Variants in PRDM6 observed in about 807,000 individuals in gnomAD.
The protein encoded by PRDM6 is PR/SET domain 6, also known as putative histone-lysine N-methyltransferase PRDM6.
In PRDM6, 25 loss-of-function variants were observed where a neutral mutation model predicts 60.8. The ratio of observed to expected loss-of-function variants is 0.41; its 90% CI spans 0.30 to 0.57. PRDM6 has a LOEUF of 0.57. Ranked by LOEUF, PRDM6 falls within the 20% of genes least tolerant of loss-of-function variation. The pLI is 0.27. For missense variants in PRDM6, 839 were observed against 821.3 expected, an observed-to-expected ratio of 1.02 and a Z score of -0.26; for synonymous variants, 407 against 357.4, an observed-to-expected ratio of 1.14 and a Z score of -1.57.
intron 7 of PRDM6, among the ~76,000 whole-genome samples, chr5:123,183,411 A>G (rs542017061): frequency 2.5e-3 from 385 of 152,348 alleles, no homozygotes; most frequent in Non-Finnish European, 4.6e-3. Flanking sequence ...TATCAAGATT[A>G]CTGCCATCCA....
intron 3 of PRDM6, among the ~76,000 whole-genome samples, chr5:123,137,602 A>G (rs1580509130): frequency 6.6e-6 from 1 of 152,160 alleles, no homozygotes; most frequent in Non-Finnish European, 1.5e-5. Context: ...GAACACATGG[A>G]CACAGGGAGG....
At chr5:123,179,672 T>C (rs988439613) in intron 6 of PRDM6, among the ~76,000 whole-genome samples, 1 of 151,418 alleles carries the variant, frequency 6.6e-6, no homozygotes, top group Non-Finnish European at 1.5e-5. Context: ...TTTTCTGAAC[T>C]AACAGAGATA....
chr5:123,174,585 C>T (rs1213563325), intron 6 of PRDM6, among the ~76,000 whole-genome samples: 2 of 152,130 alleles, frequency 1.3e-5, no homozygotes, highest in South Asian at 2.1e-4. Flanking sequence ...GGCCATGAAA[C>T]CCCAGATATT....
At chr5:123,165,181 C>T (rs1476984400) in intron 5 of PRDM6, among the ~76,000 whole-genome samples, 1 of 152,212 alleles carries the variant, frequency 6.6e-6, no homozygotes, top group Non-Finnish European at 1.5e-5. Context: ...CCAGACTCCT[C>T]TCCAGCTGTC....
chr5:123,157,679 G>C (rs1765533240), intron 4 of PRDM6, among the ~76,000 whole-genome samples: 1 of 152,182 alleles, frequency 6.6e-6, no homozygotes, highest in African/African-American at 2.4e-5. Flanking sequence ...AAATAGAAAA[G>C]TTGGACCCTG....
chr5:123,101,839 C>T (rs889028064), intron 3 of PRDM6, among the ~76,000 whole-genome samples: 5 of 152,190 alleles, frequency 3.3e-5, no homozygotes, highest in African/African-American at 1.2e-4. Context: ...CCTTTCTTTT[C>T]TACCTTTACT....
intron 3 of PRDM6, among the ~76,000 whole-genome samples, chr5:123,109,632 A>T (rs1363610663): frequency 6.6e-6 from 1 of 152,228 alleles, no homozygotes; most frequent in African/African-American, 2.4e-5. Flanking sequence ...ACCATGCAAC[A>T]TGGATGTTAA....
intron 3 of PRDM6, among the ~76,000 whole-genome samples, chr5:123,130,074 C>A (rs535093439): frequency 3.8e-5 from 5 of 129,904 alleles, no homozygotes; most frequent in African/African-American, 1.5e-4. Context: ...TCCTTCCCTT[C>A]CTTTCCTTTC....
intron 3 of PRDM6, among the ~76,000 whole-genome samples, chr5:123,154,203 C>G (rs1765441236): frequency 6.6e-6 from 1 of 152,156 alleles, no homozygotes; most frequent in Admixed American, 6.5e-5. Context: ...ACAGTGTAAT[C>G]AATCCTAAAT....
In PRDM6 at chr5:123,149,260, G is replaced by A. The variant is rs188348123; in HGVS notation, c.901-6624G>A. ...TTTCCTCTCTAGACTGGGGAGCAGTGCTGGATCTCTGTGGATCTGAGGCTC... is the reference window on the plus strand; with the variant it reads ...TTTCCTCTCTAGACTGGGGAGCAGTACTGGATCTCTGTGGATCTGAGGCTC... On this transcript the variant is annotated intron_variant, in intron 3 of 7. Coordinates refer to ENST00000407847, the MANE Select transcript of PRDM6 (RefSeq NM_001136239.4). Among the ~76,000 whole-genome samples, 178 of 152,178 alleles carry A rather than the reference G, an allele frequency of 1.2e-3. 4 individuals carry two copies. Among genetic ancestry groups the A allele is most frequent in the Non-Finnish European group, 9.8e-4 (67 of 68,024 alleles).
Position 123,190,470 on chromosome 5 carries a change from T to G in PRDM6, c.*3269T>G, listed in dbSNP as rs946632021. 3 of 152,236 alleles carry G rather than the reference T, an allele frequency of 2.0e-5. No homozygotes were observed. The highest frequency in any genetic ancestry group is 7.2e-5 in the African/African-American group (3 of 41,468). The allele number at this position is 152,236 out of a possible 1,614,324, so 9.4% of individuals were successfully genotyped here. Reference sequence around the variant, plus strand: ...GAGGAGATATACTTCTAAAAAGTTATTGTATGGCTAATTAAAGCTATGAAA... The same window carrying G: ...GAGGAGATATACTTCTAAAAAGTTAGTGTATGGCTAATTAAAGCTATGAAA... On this transcript the variant is annotated 3_prime_UTR_variant, in exon 8 of 8. Transcript: ENST00000407847.
chr5:123,171,557 A>G (rs335202), intron 6 of PRDM6, among the ~76,000 whole-genome samples: 19,811 of 152,210 alleles, frequency 0.13, 1,750 homozygotes, highest in African/African-American at 0.24. Flanking sequence ...TTTGCTTAGT[A>G]CTATTTTTCT....
At chr5:123,155,331 A>G (rs1191977543) in intron 3 of PRDM6, among the ~76,000 whole-genome samples, 2 of 137,144 alleles carry the variant, frequency 1.5e-5, no homozygotes, top group African/African-American at 2.8e-5. Context: ...CTGAAGCCCT[A>G]CATCTTCTTT....
intron 3 of PRDM6, among the ~76,000 whole-genome samples, chr5:123,103,069 G>A (rs1764137183): frequency 6.6e-6 from 1 of 151,970 alleles, no homozygotes; most frequent in Admixed American, 6.5e-5. Context: ...CATTGTTTTA[G>A]TTAATATTTT....
rs1404080828 is a variant in PRDM6, at chr5:123,188,439, C to T, written c.*1238C>T. On this transcript the variant is annotated 3_prime_UTR_variant, in exon 8 of 8. Coordinates refer to ENST00000407847, the MANE Select transcript of PRDM6 (RefSeq NM_001136239.4). ...AGTGCTGAGAATGTGAGTTTAATTT[C>T]AGCTAGCCTGTTGGTGGTTCAACAG... is the stretch of plus-strand genomic sequence containing the variant. The T allele has an allele frequency of 6.6e-6, 1 of 152,310 alleles. No individual in the cohort carries two copies. The highest frequency in any genetic ancestry group is 1.5e-5 in the Non-Finnish European group (1 of 68,030). The allele number at this position is 152,310 out of a possible 1,614,324, so 9.4% of individuals were successfully genotyped here.
At chr5:123,105,899 T>G (rs749659048) in intron 3 of PRDM6, among the ~76,000 whole-genome samples, 1 of 152,254 alleles carries the variant, frequency 6.6e-6, no homozygotes, top group African/African-American at 2.4e-5. Context: ...TTGTTACACA[T>G]GTGTGACAGA....
intron 1 of PRDM6, among the ~76,000 whole-genome samples, chr5:123,089,781 C>A (rs1763761927): frequency 6.6e-6 from 1 of 152,202 alleles, no homozygotes; most frequent in African/African-American, 2.4e-5. Context: ...ACGCTGCGAT[C>A]GGGGAGGCAG....
chr5:123,104,147 A>AT (rs1227522732), intron 3 of PRDM6, among the ~76,000 whole-genome samples: 3 of 152,110 alleles, frequency 2.0e-5, no homozygotes, highest in Non-Finnish European at 4.4e-5. Flanking sequence ...TGTTAAGCAA[A>AT]TGGTCTATTT....
intron 3 of PRDM6, among the ~76,000 whole-genome samples, chr5:123,145,992 T>C (rs1332594262): frequency 6.6e-6 from 1 of 152,188 alleles, no homozygotes; most frequent in African/African-American, 2.4e-5. Context: ...GCGGGTGAGC[T>C]CTAGGGCATA....
Sources: gnomAD v4.1 joint callset for allele counts (sites outside exome capture counted in the v4.1 genomes callset) on GRCh38, gnomAD v4.1.1 for gene constraint, MANE v1.5 for transcripts, NCBI Gene and HGNC (gene_info 2026-07-23, HGNC 2026-07-21) for gene names.